CFAP276: variants seen among roughly 807,000 people sequenced by gnomAD.
CFAP276 encodes cilia and flagella associated protein 276, also known as cilia- and flagella-associated protein 276.
At chr1:109,113,451 A>AGT in the CFAP276 span, among the ~76,000 whole-genome samples, 334 of 120,462 alleles carry the variant, frequency 2.8e-3, 27 homozygotes, top group African/African-American at 8.4e-3. Flanking sequence ...AGAGAGAGAG[A>AGT]GAGAGAGAGA....
At chr1:109,106,914 A>T in the CFAP276 span, 2 of 1,004,540 alleles carry the variant, frequency 2.0e-6, no homozygotes, top group Non-Finnish European at 3.1e-6. Flanking sequence ...ACAAATGAGT[A>T]CCTAGTGATT....
the CFAP276 span, chr1:109,113,799 G>T: frequency 1.8e-6 from 2 of 1,082,860 alleles, no homozygotes; most frequent in South Asian, 2.7e-5. Context: ...TGCTTCCACT[G>T]TGTTCTTCAC....
the CFAP276 span, among the ~76,000 whole-genome samples, chr1:109,110,895 C>T: frequency 6.0e-4 from 91 of 152,280 alleles, no homozygotes; most frequent in Middle Eastern, 3.4e-3. Flanking sequence ...CAGAATTAAA[C>T]CGTTAGGAAC....
the CFAP276 span, among the ~76,000 whole-genome samples, chr1:109,113,167 A>C: frequency 6.6e-6 from 1 of 152,110 alleles, no homozygotes; most frequent in Non-Finnish European, 1.5e-5. Flanking sequence ...AGGCGGGCGG[A>C]TCGCTTAAGC....
chr1:109,113,451 A>AGAGAGAGAGAGAGAGAGGGAGGGAGT, the CFAP276 span, among the ~76,000 whole-genome samples: 1 of 120,472 alleles, frequency 8.3e-6, no homozygotes, highest in African/African-American at 3.4e-5. Context: ...AGAGAGAGAG[A>AGAGAGAGAGAGAGAGAGGGAGGGAGT]GAGAGAGAGA....
chr1:109,111,683 G>T, the CFAP276 span, among the ~76,000 whole-genome samples: 4 of 152,036 alleles, frequency 2.6e-5, no homozygotes. Context: ...CCATGTATTT[G>T]CACCTGCTGC....
chr1:109,110,054 A>C, the CFAP276 span, among the ~76,000 whole-genome samples: 1 of 152,308 alleles, frequency 6.6e-6, no homozygotes, highest in East Asian at 1.9e-4. Flanking sequence ...TCACTGAGAA[A>C]GTCCAGACTG....
At chr1:109,113,588 GA>G in the CFAP276 span, 1 of 1,599,390 alleles carries the variant, frequency 6.3e-7, no homozygotes, top group South Asian at 1.1e-5. Context: ...GATTTGGCGG[GA>G]TGTAAGATCT....
the CFAP276 span, chr1:109,107,865 A>G: frequency 7.3e-7 from 1 of 1,378,442 alleles, no homozygotes; most frequent in Non-Finnish European, 1.0e-6. Context: ...GTGACAGGAA[A>G]AAAAAAAAAA....
At chr1:109,113,416 A>AGAGAGAGAGAGAGAG in the CFAP276 span, among the ~76,000 whole-genome samples, 1 of 68,080 alleles carries the variant, frequency 1.5e-5, no homozygotes, top group Non-Finnish European at 2.6e-5. Flanking sequence ...GAGAGAGAGA[A>AGAGAGAGAGAGAGAG]AGAGAGAGAG....
At chr1:109,113,422 GAGAGAGA>G in the CFAP276 span, among the ~76,000 whole-genome samples, 1 of 52,538 alleles carries the variant, frequency 1.9e-5, no homozygotes, top group South Asian at 9.5e-4. Context: ...GAGAAAGAGA[GAGAGAGA>G]GAGAGAGAGA....
chr1:109,107,169 C>T, the CFAP276 span: 1 of 1,439,774 alleles, frequency 6.9e-7, no homozygotes, highest in Non-Finnish European at 9.8e-7. Context: ...ACCTGTGTCC[C>T]TGCTCTAGTC....
chr1:109,106,607 T>C, the CFAP276 span: 8 of 1,613,866 alleles, frequency 5.0e-6, no homozygotes, highest in South Asian at 1.1e-5. Context: ...GCCAGGAAAG[T>C]GATGGGTGGA....
chr1:109,113,762 C>T, the CFAP276 span: 1 of 1,492,732 alleles, frequency 6.7e-7, no homozygotes, highest in South Asian at 1.1e-5. Flanking sequence ...CAGTAGAAAA[C>T]GGAAATTTGT....
the CFAP276 span, chr1:109,107,917 G>A: frequency 1.3e-6 from 2 of 1,597,318 alleles, no homozygotes; most frequent in Non-Finnish European, 8.6e-7. Context: ...TCAATGCTAG[G>A]TACCTCGGGA....
chr1:109,113,467 A>AGAGAGAGAGAGAGAGAGAGAGAGG, the CFAP276 span, among the ~76,000 whole-genome samples: 13 of 126,318 alleles, frequency 1.0e-4, no homozygotes, highest in Admixed American at 1.7e-4. Flanking sequence ...AGAGAGAGAG[A>AGAGAGAGAGAGAGAGAGAGAGAGG]GGCCCACGTG....
At chr1:109,106,592 T>G in the CFAP276 span, 12 of 1,614,080 alleles carry the variant, frequency 7.4e-6, no homozygotes, top group Non-Finnish European at 1.0e-5. Context: ...CAGTGTCTGA[T>G]GTTAGCCAGG....
chr1:109,109,051 C>T, the CFAP276 span, among the ~76,000 whole-genome samples: 30 of 152,222 alleles, frequency 2.0e-4, no homozygotes, highest in Admixed American at 7.8e-4. Context: ...CCATATTCAC[C>T]ACTGTATCCC....
the CFAP276 span, among the ~76,000 whole-genome samples, chr1:109,111,612 T>C: frequency 2.6e-5 from 4 of 152,208 alleles, no homozygotes; most frequent in Non-Finnish European, 5.9e-5. Flanking sequence ...ATTGCACGCC[T>C]ACACTCCAGC....
Sources: allele counts gnomAD v4.1 joint callset (sites outside exome capture counted in the v4.1 genomes callset), GRCh38; gene constraint gnomAD v4.1.1; transcripts MANE v1.5; gene names NCBI Gene and HGNC (gene_info 2026-07-23, HGNC 2026-07-21).